The following ACO2 variants were observed in gnomAD, a reference collection of about 807,000 sequenced individuals.
ACO2 encodes aconitase 2, also known as aconitate hydratase, mitochondrial.
A neutral mutation model predicts 84.5 loss-of-function variants in ACO2; 31 were observed. The ratio of observed to expected loss-of-function variants is 0.37; its 90% CI spans 0.28 to 0.50. The LOEUF (loss-of-function observed/expected upper bound fraction) is 0.50. Among genes scored for constraint, ACO2 ranks in the 20% least tolerant of loss-of-function variants. The pLI is 0.97. For synonymous variants in ACO2, 414 were observed against 412.7 expected (o/e 1.00, Z -0.04); for missense variants, 685 against 1,029.3 (o/e 0.67, Z 4.58).
intron 1 of ACO2, among the ~76,000 whole-genome samples, chr22:41,497,728 C>G (rs2066324922): frequency 6.6e-6 from 1 of 151,616 alleles, no homozygotes; most frequent in African/African-American, 2.4e-5. Flanking sequence ...ACTAAAAATA[C>G]AAAAATTAGC....
At chr22:41,513,002 C>T (rs982294698) in intron 4 of ACO2, among the ~76,000 whole-genome samples, 1 of 152,180 alleles carries the variant, frequency 6.6e-6, no homozygotes, top group Non-Finnish European at 1.5e-5. Flanking sequence ...CGCATGGGCT[C>T]CCAGCACCGC....
chr22:41,477,090 C>G (rs1019857554), intron 1 of ACO2, among the ~76,000 whole-genome samples: 11 of 149,990 alleles, frequency 7.3e-5, no homozygotes, highest in Admixed American at 2.0e-4. Flanking sequence ...CCTGCCTCAG[C>G]CTCCCAAGTA....
At chr22:41,495,586 A>G (rs1396325459) in intron 1 of ACO2, among the ~76,000 whole-genome samples, 1 of 151,612 alleles carries the variant, frequency 6.6e-6, no homozygotes, top group Non-Finnish European at 1.5e-5. Flanking sequence ...TGTCTTGCCT[A>G]CTGACCAGGC....
intron 2 of ACO2, among the ~76,000 whole-genome samples, chr22:41,500,795 C>G (rs1367981641): frequency 3.3e-5 from 5 of 152,038 alleles, no homozygotes; most frequent in African/African-American, 4.8e-5. Flanking sequence ...CCTCCGCCCC[C>G]CAGGTTCCAG....
At chr22:41,496,137 C>T (rs929478932) in intron 1 of ACO2, among the ~76,000 whole-genome samples, 1 of 151,326 alleles carries the variant, frequency 6.6e-6, no homozygotes, top group African/African-American at 2.4e-5. Flanking sequence ...CGTGGTGAAA[C>T]CCCATCTCCA....
At chr22:41,526,110 G>A (rs1276286904) in intron 14 of ACO2, 152 bp from the exon 15 acceptor site, 1 of 646,022 alleles carries the variant, frequency 1.5e-6, no homozygotes, top group Non-Finnish European at 2.6e-6. Context: ...GAAGCACCAG[G>A]ACCACAGAAC....
intron 6 of ACO2, chr22:41,516,180 G>A: frequency 1.6e-6 from 1 of 611,832 alleles, no homozygotes; most frequent in South Asian, 2.0e-5. Flanking sequence ...ACGGTTAGGA[G>A]CCAAGTCAGC....
chr22:41,518,924 C>T (rs1243816678), intron 8 of ACO2, among the ~76,000 whole-genome samples: 3 of 152,174 alleles, frequency 2.0e-5, no homozygotes, highest in Non-Finnish European at 4.4e-5. Context: ...CCAGCCTGGG[C>T]GACAGAGCGA....
At chr22:41,489,588 G>A (rs989931422) in intron 1 of ACO2, among the ~76,000 whole-genome samples, 6 of 152,102 alleles carry the variant, frequency 3.9e-5, no homozygotes, top group Non-Finnish European at 8.8e-5. Flanking sequence ...CACCTTCTGG[G>A]TTTCATTGTT....
chr22:41,517,711 T>A, intron 7 of ACO2, 80 bp downstream of exon 7: 2 of 1,306,132 alleles, frequency 1.5e-6, no homozygotes, highest in Non-Finnish European at 2.2e-6. Flanking sequence ...TGCCTTTCCC[T>A]GTAGGGCAGG....
intron 1 of ACO2, among the ~76,000 whole-genome samples, chr22:41,476,664 T>G (rs1420955467): frequency 6.6e-6 from 1 of 151,934 alleles, no homozygotes; most frequent in Non-Finnish European, 1.5e-5. Flanking sequence ...GAGCCGAGAT[T>G]GCGCCACTGT....
rs1279360177 is a variant in ACO2, at chr22:41,524,986, C to A, written c.1605+18C>A. On this transcript the variant is annotated intron_variant, in intron 13 of 17. Transcript: ENST00000216254. ...CCAAAGGGGTGAGCGCCCACGCCCC[C>A]TGCTTGCTGGTTGCTGTGTGGCCAC... The A allele has an allele frequency of 1.2e-6, 2 of 1,614,042 alleles. No individual in the cohort carries two copies. The highest frequency in any genetic ancestry group is 1.7e-6 in the Non-Finnish European group (2 of 1,180,020).
intron 14 of ACO2, chr22:41,525,994 T>C (rs769085848): frequency 4.2e-5 from 17 of 402,334 alleles, no homozygotes; most frequent in Non-Finnish European, 6.3e-5. Context: ...GAGCGAACAT[T>C]GACCTGTCCC....
At chr22:41,501,928 CTTG>C (rs1281577263) in intron 2 of ACO2, among the ~76,000 whole-genome samples, 2 of 152,124 alleles carry the variant, frequency 1.3e-5, no homozygotes, top group African/African-American at 4.8e-5. Context: ...GAGTACCCAC[CTTG>C]TTGTCCAGTC....
rs115143851 is a variant in ACO2, at chr22:41,487,427, A to C, written c.37-12299A>C. 8.4e-3 allele frequency among the ~76,000 whole-genome samples: 1,273 copies of C among 152,334 alleles called. 20 individuals are homozygous for C. The highest frequency in any genetic ancestry group is 0.029 in the African/African-American group (1,215 of 41,574). ...ACACAGTCCCTTGAGTGATGACTTG[A>C]CATGTTTTCTCACCTAAAATTCAGG... On this transcript the variant is annotated intron_variant, in intron 1 of 17. Transcript: ENST00000216254.
chr22:41,486,831 T>C (rs1245332923), intron 1 of ACO2, among the ~76,000 whole-genome samples: 1 of 152,072 alleles, frequency 6.6e-6, no homozygotes, highest in Non-Finnish European at 1.5e-5. Context: ...TTTTGTCTCC[T>C]CAGTCTTATT....
At chr22:41,527,055 C>T (rs1466191200) in intron 15 of ACO2, 1 of 609,464 alleles carries the variant, frequency 1.6e-6, no homozygotes, top group East Asian at 2.9e-5. Context: ...CTTCTGTCTT[C>T]TTTGCCACTG....
chr22:41,494,371 ACAT>A (rs1460581205), intron 1 of ACO2, among the ~76,000 whole-genome samples: 2 of 151,300 alleles, frequency 1.3e-5, no homozygotes, highest in East Asian at 1.9e-4. Flanking sequence ...CATATTAGAG[ACAT>A]CATAGTCTTT....
At chr22:41,486,531 C>T (rs1399070812) in intron 1 of ACO2, among the ~76,000 whole-genome samples, 11 of 141,684 alleles carry the variant, frequency 7.8e-5, no homozygotes, top group African/African-American at 1.1e-4. Context: ...AGTGCAGTGG[C>T]GCGATCTCTG....
Sources: allele counts gnomAD v4.1 joint callset (sites outside exome capture counted in the v4.1 genomes callset), GRCh38; gene constraint gnomAD v4.1.1; transcripts MANE v1.5; gene names NCBI Gene and HGNC (gene_info 2026-07-23, HGNC 2026-07-21).